The following LINGO1 variants were observed in gnomAD, a reference collection of about 807,000 sequenced individuals.
The protein encoded by LINGO1 is leucine-rich repeat and immunoglobulin-like domain-containing nogo receptor-interacting protein 1.
In LINGO1, 11 loss-of-function variants were observed where a neutral mutation model predicts 37.3. That is an observed-to-expected ratio of 0.29 (90% CI 0.19 to 0.49). The LOEUF (loss-of-function observed/expected upper bound fraction) is 0.49, where lower values mean the gene tolerates loss of function less well. Among genes scored for constraint, LINGO1 ranks in the 20% least tolerant of loss-of-function variants. The pLI, the probability that LINGO1 is intolerant of heterozygous loss-of-function variation, is 0.99. For missense variants in LINGO1, 585 were observed against 878.2 expected, an observed-to-expected ratio of 0.67 and a Z score of 4.22; for synonymous variants, 387 against 403.0, an observed-to-expected ratio of 0.96 and a Z score of 0.48.
At chr15:77,627,103 G>GA (rs200475044) in intron 1 of LINGO1, among the ~76,000 whole-genome samples, 3,272 of 152,122 alleles carry the variant, frequency 0.022, 52 homozygotes, top group Middle Eastern at 0.054. Flanking sequence ...CCTGAAAGGG[G>GA]AAAAAATAGA....
intron 1 of LINGO1, among the ~76,000 whole-genome samples, chr15:77,785,754 G>A (rs897947869): frequency 3.3e-5 from 5 of 151,908 alleles, no homozygotes; most frequent in African/African-American, 7.3e-5. Context: ...AAATCCTCCC[G>A]AGCTCTAAGG....
chr15:77,711,028 C>T (rs774749616), intron 2 of LINGO1, among the ~76,000 whole-genome samples: 1 of 152,184 alleles, frequency 6.6e-6, no homozygotes, highest in African/African-American at 2.4e-5. Flanking sequence ...GCACCTTCTT[C>T]CCCAGCCCCC....
intron 1 of LINGO1, among the ~76,000 whole-genome samples, chr15:77,800,799 G>A (rs115498674): frequency 2.1e-4 from 32 of 152,126 alleles, no homozygotes; most frequent in East Asian, 9.6e-4. Context: ...AGAAAATGTC[G>A]CTAATATGCA....
intron 3 of LINGO1, chr15:77,652,291 A>G (rs1408498011): frequency 6.6e-6 from 1 of 152,152 alleles, no homozygotes; most frequent in African/African-American, 2.4e-5. Flanking sequence ...AAGAGTTACT[A>G]CTATTCTTGT....
intron 1 of LINGO1, among the ~76,000 whole-genome samples, chr15:77,617,956 G>T (rs1317507601): frequency 6.6e-6 from 1 of 152,138 alleles, no homozygotes; most frequent in Non-Finnish European, 1.5e-5. Context: ...CCTCTCTCCA[G>T]GCTCTTCTGC....
intron 3 of LINGO1, among the ~76,000 whole-genome samples, chr15:77,658,701 A>T (rs1596061383): frequency 6.6e-6 from 1 of 152,354 alleles, no homozygotes; most frequent in East Asian, 1.9e-4. Context: ...TTTGCATCCT[A>T]GGAGACACCT....
intron 1 of LINGO1, among the ~76,000 whole-genome samples, chr15:77,764,386 C>A (rs182035799): frequency 3.9e-5 from 6 of 152,124 alleles, no homozygotes; most frequent in Non-Finnish European, 5.9e-5. Context: ...GACATTACAA[C>A]GGGAAAAGAC....
upstream of LINGO1, among the ~76,000 whole-genome samples, chr15:77,701,430 C>A (rs988972408): frequency 6.6e-6 from 1 of 152,142 alleles, no homozygotes; most frequent in African/African-American, 2.4e-5. Flanking sequence ...CAAAGCATCC[C>A]ACCTCCCTGG....
intron 1 of LINGO1, among the ~76,000 whole-genome samples, chr15:77,772,168 C>T (rs1469238825): frequency 2.0e-5 from 3 of 152,234 alleles, no homozygotes; most frequent in Admixed American, 2.0e-4. Flanking sequence ...GGCTGGTAGA[C>T]TCCACCTGGC....
intron 2 of LINGO1, among the ~76,000 whole-genome samples, chr15:77,722,234 C>G (rs558454907): frequency 7.2e-4 from 109 of 152,324 alleles, no homozygotes; most frequent in Admixed American, 7.1e-3. Flanking sequence ...ACAGCTCACT[C>G]GCAGCCCGTC....
At chr15:77,764,562 T>C (rs1030643360) in intron 1 of LINGO1, among the ~76,000 whole-genome samples, 2 of 152,180 alleles carry the variant, frequency 1.3e-5, no homozygotes, top group Admixed American at 1.3e-4. Context: ...AGAGGAGCGC[T>C]GAAGGGCCAG....
upstream of LINGO1, chr15:77,787,127 A>C (rs993881400): frequency 2.0e-5 from 3 of 152,128 alleles, no homozygotes; most frequent in Admixed American, 2.0e-4. Context: ...GCAGGTAGAC[A>C]CACCCAACAA....
intron 2 of LINGO1, among the ~76,000 whole-genome samples, chr15:77,730,488 G>A (rs977454885): frequency 3.9e-5 from 6 of 151,974 alleles, no homozygotes; most frequent in Non-Finnish European, 7.4e-5. Context: ...CAGTGCACAT[G>A]ACTTTCTGAG....
chr15:77,623,200 C>T (rs1386131778), intron 1 of LINGO1, among the ~76,000 whole-genome samples: 1 of 152,186 alleles, frequency 6.6e-6, no homozygotes, highest in Non-Finnish European at 1.5e-5. Context: ...TGTGTGAGCT[C>T]AGGCTGAAAT....
At chr15:77,630,650 C>G (rs962661404) in intron 1 of LINGO1, among the ~76,000 whole-genome samples, 1 of 152,162 alleles carries the variant, frequency 6.6e-6, no homozygotes, top group Admixed American at 6.5e-5. Flanking sequence ...GGTTCCCACT[C>G]TTTAACTCCA....
chr15:77,670,105 A>G (rs2075221668), intron 3 of LINGO1, among the ~76,000 whole-genome samples: 1 of 152,234 alleles, frequency 6.6e-6, no homozygotes, highest in Non-Finnish European at 1.5e-5. Context: ...AGAAAAGCCC[A>G]CATATTGTAT....
chr15:77,677,530 A>AC (rs1464397029), intron 2 of LINGO1, among the ~76,000 whole-genome samples: 1 of 151,606 alleles, frequency 6.6e-6, no homozygotes, highest in East Asian at 1.9e-4. Context: ...GGACAACCCC[A>AC]CCCCATTCTC....
chr15:77,685,415 A>ACCAGGAACC (rs2075490468), intron 2 of LINGO1, among the ~76,000 whole-genome samples: 1 of 152,116 alleles, frequency 6.6e-6, no homozygotes, highest in Non-Finnish European at 1.5e-5. Context: ...GGTTTATGGC[A>ACCAGGAACC]CCAGGAACCC....
intron 1 of LINGO1, among the ~76,000 whole-genome samples, chr15:77,798,985 C>T (rs1346647453): frequency 6.6e-6 from 1 of 152,316 alleles, no homozygotes; most frequent in African/African-American, 2.4e-5. Flanking sequence ...AGGCCTGTGA[C>T]TGCTCTGGAC....
Sources: gnomAD v4.1 joint callset for allele counts (sites outside exome capture counted in the v4.1 genomes callset) on GRCh38, gnomAD v4.1.1 for gene constraint, MANE v1.5 for transcripts, NCBI Gene and HGNC (gene_info 2026-07-23, HGNC 2026-07-21) for gene names.